Variants in SORCS2 observed in about 807,000 individuals in gnomAD.
SORCS2 encodes the protein VPS10 domain-containing receptor SorCS2.
In SORCS2, 100 loss-of-function variants were observed where a neutral mutation model predicts 141.6. That is an observed-to-expected ratio of 0.71 (90% CI 0.60 to 0.83). SORCS2 has a LOEUF of 0.83. Among genes scored for constraint, SORCS2 ranks in the 40% least tolerant of loss-of-function variants. SORCS2 has a pLI of 0.00. For synonymous variants in SORCS2, 789 were observed against 676.9 expected (o/e 1.17, Z -2.57); for missense variants, 1,646 against 1,560.2 (o/e 1.05, Z -0.93).
chr4:7,378,415 C>T (rs1722786598), intron 1 of SORCS2, among the ~76,000 whole-genome samples: 1 of 152,108 alleles, frequency 6.6e-6, no homozygotes, highest in Admixed American at 6.5e-5. Context: ...GGGGAGGCCT[C>T]AGGAAACTTA....
chr4:7,496,615 GA>G (rs1250552470), intron 2 of SORCS2, among the ~76,000 whole-genome samples: 2 of 151,986 alleles, frequency 1.3e-5, no homozygotes, highest in Non-Finnish European at 2.9e-5. Context: ...AAACCAGCAT[GA>G]TAAAAATAAA....
intron 3 of SORCS2, among the ~76,000 whole-genome samples, chr4:7,601,878 G>C (rs886124877): frequency 4.6e-5 from 7 of 152,094 alleles, no homozygotes; most frequent in Non-Finnish European, 8.8e-5. Context: ...GACTCTTAAC[G>C]AGCATGCTGC....
chr4:7,198,339 G>A (rs1430198041), intron 1 of SORCS2, among the ~76,000 whole-genome samples: 1 of 152,196 alleles, frequency 6.6e-6, no homozygotes, highest in East Asian at 1.9e-4. Flanking sequence ...CTGACTTGAA[G>A]CCTCGTGTCC....
At chr4:7,389,812 G>A (rs1487438350) in intron 1 of SORCS2, among the ~76,000 whole-genome samples, 1 of 152,324 alleles carries the variant, frequency 6.6e-6, no homozygotes, top group Admixed American at 6.5e-5. Context: ...CCAAGGGGGT[G>A]TGTTTGGAGT....
intron 2 of SORCS2, among the ~76,000 whole-genome samples, chr4:7,523,991 C>T (rs931239982): frequency 1.3e-5 from 2 of 152,194 alleles, no homozygotes; most frequent in African/African-American, 4.8e-5. Flanking sequence ...AAACCAGGAG[C>T]TCCCCAGGGG....
At chr4:7,622,798 A>G (rs893863964) in intron 3 of SORCS2, among the ~76,000 whole-genome samples, 1 of 152,170 alleles carries the variant, frequency 6.6e-6, no homozygotes, top group Non-Finnish European at 1.5e-5. Flanking sequence ...CTCCCACTCC[A>G]GAGCTCTTTC....
chr4:7,357,898 A>C (rs757827774), intron 1 of SORCS2, among the ~76,000 whole-genome samples: 4 of 152,188 alleles, frequency 2.6e-5, no homozygotes, highest in Non-Finnish European at 4.4e-5. Flanking sequence ...TGTCTGTCTA[A>C]ACACGGTTCA....
intron 1 of SORCS2, among the ~76,000 whole-genome samples, chr4:7,308,225 T>C (rs1717960197): frequency 6.6e-6 from 1 of 152,152 alleles, no homozygotes; most frequent in Admixed American, 6.5e-5. Flanking sequence ...ATCAGTGTTT[T>C]CCACTCCAGG....
intron 3 of SORCS2, among the ~76,000 whole-genome samples, chr4:7,563,089 G>A (rs879300322): frequency 1.3e-4 from 20 of 152,256 alleles, no homozygotes; most frequent in African/African-American, 4.6e-4. Context: ...ACCAAAATCC[G>A]TTCTGTGGAT....
At chr4:7,443,700 C>G (rs958536323) in intron 2 of SORCS2, among the ~76,000 whole-genome samples, 2 of 152,256 alleles carry the variant, frequency 1.3e-5, no homozygotes, top group Non-Finnish European at 2.9e-5. Flanking sequence ...GAGGCCACAC[C>G]TCCAGAGTCA....
At chr4:7,595,649 A>G (rs762253637) in intron 3 of SORCS2, among the ~76,000 whole-genome samples, 1 of 152,028 alleles carries the variant, frequency 6.6e-6, no homozygotes. Context: ...GAGACCAGAG[A>G]CCAAATATCT....
intron 1 of SORCS2, among the ~76,000 whole-genome samples, chr4:7,368,559 C>T (rs1198585572): frequency 1.3e-5 from 2 of 152,228 alleles, no homozygotes; most frequent in Non-Finnish European, 2.9e-5. Flanking sequence ...AGCCACGCCT[C>T]TCTTTAGGGG....
At chr4:7,335,005 G>T (rs1450345830) in intron 1 of SORCS2, among the ~76,000 whole-genome samples, 2 of 152,152 alleles carry the variant, frequency 1.3e-5, no homozygotes, top group African/African-American at 2.4e-5. Flanking sequence ...CTGAGATGCA[G>T]TCGGCTGGGC....
intron 14 of SORCS2, among the ~76,000 whole-genome samples, chr4:7,709,254 T>A (rs1196912766): frequency 6.6e-6 from 1 of 152,098 alleles, no homozygotes; most frequent in Non-Finnish European, 1.5e-5. Context: ...TTGACAGCCT[T>A]CTCCGGGCCT....
At chr4:7,572,347 C>T (rs575010991) in intron 3 of SORCS2, among the ~76,000 whole-genome samples, 2 of 152,106 alleles carry the variant, frequency 1.3e-5, no homozygotes, top group Non-Finnish European at 2.9e-5. Context: ...TAAACATACA[C>T]ACAGTTTACA....
intron 1 of SORCS2, among the ~76,000 whole-genome samples, chr4:7,302,767 A>ATGTGTGTGTG (rs753375857): frequency 0.037 from 3,787 of 101,574 alleles, 89 homozygotes; most frequent in African/African-American, 0.071. Context: ...GACAGTCCAC[A>ATGTGTGTGTG]TATGTGTGTG....
chr4:7,448,312 C>G (rs891028240), intron 2 of SORCS2, among the ~76,000 whole-genome samples: 3 of 152,032 alleles, frequency 2.0e-5, no homozygotes, highest in African/African-American at 7.3e-5. Flanking sequence ...GCTTAGGGCC[C>G]TGCGCCGGCC....
intron 1 of SORCS2, among the ~76,000 whole-genome samples, chr4:7,374,178 TCTTTCTTTCTTTCTTTCTTTTTTG>T (rs1722477823): frequency 7.5e-6 from 1 of 132,570 alleles, no homozygotes; most frequent in African/African-American, 3.0e-5. Context: ...TTTCTTTCTT[TCTTTCTTTCTTTCTTTCTTTTTTG>T]CAGAGAGACG....
At chr4:7,230,338 C>A (rs112170758) in intron 1 of SORCS2, among the ~76,000 whole-genome samples, 48 of 77,304 alleles carry the variant, frequency 6.2e-4, no homozygotes, top group Middle Eastern at 7.4e-3. Flanking sequence ...AGTGTCTGGG[C>A]AGGACTAGTG....
Sources: gnomAD v4.1 joint callset for allele counts (sites outside exome capture counted in the v4.1 genomes callset) on GRCh38, gnomAD v4.1.1 for gene constraint, MANE v1.5 for transcripts, NCBI Gene and HGNC (gene_info 2026-07-23, HGNC 2026-07-21) for gene names.